Variants in ZNF860 observed in about 807,000 individuals in gnomAD.
ZNF860 encodes the protein zinc finger protein 860.
For synonymous variants in ZNF860, 206 were observed against 248.9 expected, an observed-to-expected ratio of 0.83 and a Z score of 1.62; for missense variants, 641 against 759.2, an observed-to-expected ratio of 0.84 and a Z score of 1.83.
chr3:31,984,911 C>T (rs891751290), intron 1 of ZNF860, among the ~76,000 whole-genome samples: 43 of 152,260 alleles, frequency 2.8e-4, no homozygotes, highest in African/African-American at 1.0e-3. Context: ...TTTTTACTGT[C>T]ATAATTTTGC....
At chr3:32,004,843 G>T in the ZNF860 span, among the ~76,000 whole-genome samples, 4,681 of 152,176 alleles carry the variant, frequency 0.031, 213 homozygotes, top group African/African-American at 0.11. Flanking sequence ...ATTTTTACAG[G>T]TGCATAAAAT....
intron 1 of ZNF860, among the ~76,000 whole-genome samples, chr3:31,985,407 G>A (rs1409394275): frequency 2.6e-5 from 4 of 152,230 alleles, no homozygotes; most frequent in Non-Finnish European, 5.9e-5. Context: ...TTTTGGGAAT[G>A]AAGCTATGCA....
intron 1 of ZNF860, among the ~76,000 whole-genome samples, chr3:31,984,726 G>C (rs1365565628): frequency 6.6e-6 from 1 of 152,164 alleles, no homozygotes; most frequent in East Asian, 1.9e-4. Context: ...GTTTTACAAA[G>C]GTAGTTTGGT....
chr3:31,998,822 G>A, the ZNF860 span, among the ~76,000 whole-genome samples: 1 of 152,170 alleles, frequency 6.6e-6, no homozygotes, highest in Non-Finnish European at 1.5e-5. Flanking sequence ...GGCTATGGTA[G>A]ATCTGCACCA....
downstream of ZNF860, among the ~76,000 whole-genome samples, chr3:31,995,294 C>T (rs189495111): frequency 1.6e-4 from 24 of 152,256 alleles, no homozygotes; most frequent in Admixed American, 3.3e-4. Flanking sequence ...TTATCTCAAC[C>T]ACATAGGACA....
chr3:32,001,447 T>A, the ZNF860 span, among the ~76,000 whole-genome samples: 1 of 152,206 alleles, frequency 6.6e-6, no homozygotes, highest in Admixed American at 6.5e-5. Flanking sequence ...CTCATTGTGT[T>A]AAATTAAAAT....
At chr3:31,982,516 C>CT (rs1200059047) in intron 1 of ZNF860, among the ~76,000 whole-genome samples, 1 of 152,148 alleles carries the variant, frequency 6.6e-6, no homozygotes, top group African/African-American at 2.4e-5. Context: ...AGCCCAACCC[C>CT]TTTCTAGCTT....
the ZNF860 span, among the ~76,000 whole-genome samples, chr3:32,002,826 T>C: frequency 7.6e-6 from 1 of 132,108 alleles, no homozygotes; most frequent in South Asian, 2.3e-4. Flanking sequence ...TTGAATCTGC[T>C]TTTATCTTTT....
rs1409575163 is a variant in ZNF860 at position 31,991,496 on chromosome 3, A to G, written c.*518A>G. The G allele has an allele frequency of 6.0e-6, 1 of 166,872 alleles. No homozygotes were observed. Among genetic ancestry groups the G allele is most frequent in the Non-Finnish European group, 1.5e-5 (1 of 68,184 alleles). 10.3% of individuals were successfully genotyped at this position (166,872 alleles called of 1,614,324 possible). A position where few individuals can be genotyped will look rare whatever the true frequency, so the allele number is the denominator to read the frequency against. ...TTACGTTTATTCCTAAATATTTCTTACTGTAAGTTCTCTAGCAAATGGAAG... is the reference window on the plus strand; with the variant it reads ...TTACGTTTATTCCTAAATATTTCTTGCTGTAAGTTCTCTAGCAAATGGAAG... On this transcript the variant is annotated 3_prime_UTR_variant, in exon 2 of 2. Coordinates refer to ENST00000360311, the MANE Select transcript of ZNF860 (RefSeq NM_001137674.3).
At chr3:31,987,297 T>C (rs1406092188) in intron 1 of ZNF860, among the ~76,000 whole-genome samples, 2 of 152,238 alleles carry the variant, frequency 1.3e-5, no homozygotes, top group Non-Finnish European at 2.9e-5. Context: ...AGCTATATTA[T>C]CCTTTGTAAC....
chr3:31,993,049 G>A (rs1290638193), downstream of ZNF860, among the ~76,000 whole-genome samples: 1 of 151,950 alleles, frequency 6.6e-6, no homozygotes, highest in African/African-American at 2.4e-5. Flanking sequence ...AAAAGATATG[G>A]GTAAGGAAAT....
the ZNF860 span, among the ~76,000 whole-genome samples, chr3:31,997,276 T>C: frequency 3.3e-5 from 5 of 151,892 alleles, no homozygotes; most frequent in Admixed American, 2.0e-4. Context: ...TTTTTTTTTT[T>C]CAAGATGGAG....
At chr3:31,999,605 C>T in the ZNF860 span, among the ~76,000 whole-genome samples, 7 of 152,184 alleles carry the variant, frequency 4.6e-5, no homozygotes, top group Non-Finnish European at 8.8e-5. Context: ...AGGTGATCTG[C>T]CTGCCTTGGC....
downstream of ZNF860, among the ~76,000 whole-genome samples, chr3:31,993,507 C>G (rs1276098032): frequency 6.6e-6 from 1 of 152,140 alleles, no homozygotes; most frequent in Non-Finnish European, 1.5e-5. Context: ...CGCGCCCAGA[C>G]AAGAAAACCC....
rs1355285683 is a variant in ZNF860 at position 31,989,895 on chromosome 3, C to T, written c.816C>T (p.Tyr272=). 3 of 1,614,148 alleles carry T rather than the reference C, an allele frequency of 1.9e-6. No individual in the cohort carries two copies. The highest frequency in any genetic ancestry group is 2.2e-5 in the South Asian group (2 of 91,080). The change falls in exon 2 of 2, where the codon TAC becomes TAT. Residue 272 remains tyrosine, a synonymous_variant. Coordinates refer to ENST00000360311, the MANE Select transcript of ZNF860 (RefSeq NM_001137674.3). ...GCAAGGTCTTTAATCAGAAGCGATA[C>T]CTTGCATGCCATCATAGATGTCACA... The part of the protein sequence containing the change: ...VCGKVFNQKR[Y]LACHHRCHTG...
In ZNF860 at chr3:31,989,190, G is replaced by C. The variant is rs1266204223; in HGVS notation, c.111G>C (p.Glu37Asp). The C allele has an allele frequency of 6.2e-7, 1 of 1,614,068 alleles. No individual in the cohort carries two copies. Among genetic ancestry groups the C allele is most frequent in the East Asian group, 2.2e-5 (1 of 44,892 alleles). ...RDVAIEFSLEEWKCLDPTQRA... is the reference protein window; with the variant it reads ...RDVAIEFSLEDWKCLDPTQRA... ...TGGCTATAGAATTCTCTTTGGAGGA[G>C]TGGAAATGCCTGGACCCTACGCAGA... is the stretch of plus-strand genomic sequence containing the variant. The change falls in exon 2 of 2, where the codon GAG (glutamate) becomes GAC (aspartate). Residue 37 changes from glutamate (E) to aspartate (D), a missense_variant. Physicochemically the swap from Glu to Asp is conservative, Grantham distance 45 (BLOSUM62 2). Transcript: ENST00000360311.
chr3:31,990,819 T>C lies in ZNF860; in HGVS notation c.1740T>C (p.Ser580=). The C allele has an allele frequency of 6.2e-7, 1 of 1,600,042 alleles. No homozygotes were observed. The highest frequency in any genetic ancestry group is 1.7e-5 in the Admixed American group (1 of 57,332). ...DFDEAFSQAS[S]YAKQRRIHMG... is the part of the protein sequence containing the mutation. Reference sequence around the variant, plus strand: ...ACGAGGCCTTCAGTCAAGCTTCATCTTATGCAAAACAAAGGAGAATTCATA... The same window carrying C: ...ACGAGGCCTTCAGTCAAGCTTCATCCTATGCAAAACAAAGGAGAATTCATA... Residue 580 remains serine (S), a synonymous_variant, in exon 2 of 2, where the codon TCT becomes TCC. Transcript: ENST00000360311.
At chr3:31,996,235 T>C (rs976187), downstream of ZNF860, among the ~76,000 whole-genome samples, 1 of 151,956 alleles carries the variant, frequency 6.6e-6, no homozygotes, top group Non-Finnish European at 1.5e-5. Flanking sequence ...AGGGGGAAAA[T>C]ACAATTCAAT....
the ZNF860 span, among the ~76,000 whole-genome samples, chr3:31,999,720 T>C: frequency 5.3e-5 from 8 of 152,106 alleles, no homozygotes; most frequent in South Asian, 2.1e-4. Context: ...GTTCAGAAAA[T>C]ATGGCTGCCT....
Sources: allele counts gnomAD v4.1 joint callset (sites outside exome capture counted in the v4.1 genomes callset), GRCh38; gene constraint gnomAD v4.1.1; transcripts MANE v1.5; gene names NCBI Gene and HGNC (gene_info 2026-07-23, HGNC 2026-07-21).